SORCS1: variants seen among roughly 807,000 people sequenced by gnomAD.
SORCS1 encodes the protein sortilin related VPS10 domain containing receptor 1, also known as VPS10 domain-containing receptor SorCS1.
Under a neutral mutation model 146.1 loss-of-function variants are expected in SORCS1, and 60 were observed. That is an observed-to-expected ratio of 0.41 (90% CI 0.33 to 0.51). The LOEUF (loss-of-function observed/expected upper bound fraction) is 0.51. Ranked by LOEUF, SORCS1 falls within the 20% of genes least tolerant of loss-of-function variation. SORCS1 has a pLI of 0.21. For synonymous variants in SORCS1, 637 were observed against 584.0 expected (o/e 1.09, Z -1.31); for missense variants, 1,352 against 1,487.6 (o/e 0.91, Z 1.50).
intron 13 of SORCS1, among the ~76,000 whole-genome samples, chr10:106,676,268 C>T (rs1027749695): frequency 2.0e-5 from 3 of 152,156 alleles, no homozygotes; most frequent in African/African-American, 4.8e-5. Flanking sequence ...TTGATAACTC[C>T]TCTGGGAGTT....
intron 24 of SORCS1, among the ~76,000 whole-genome samples, chr10:106,585,983 G>A (rs1845210792): frequency 6.6e-6 from 1 of 152,180 alleles, no homozygotes; most frequent in Admixed American, 6.5e-5. Flanking sequence ...AGACAGACAA[G>A]TGAATGTAGA....
At chr10:106,581,537 T>C (rs1844914034) in intron 24 of SORCS1, among the ~76,000 whole-genome samples, 1 of 151,972 alleles carries the variant, frequency 6.6e-6, no homozygotes, top group Non-Finnish European at 1.5e-5. Flanking sequence ...GGAAGACAGG[T>C]ATGTGTATAC....
intron 2 of SORCS1, among the ~76,000 whole-genome samples, chr10:106,891,755 A>G (rs1951246580): frequency 6.6e-6 from 1 of 152,142 alleles, no homozygotes; most frequent in African/African-American, 2.4e-5. Context: ...AGCATCAAAG[A>G]AGATTTTTGT....
In SORCS1 at chr10:106,656,286, C is replaced by T. The variant is rs542436228; in HGVS notation, c.2304-3733G>A. Among the ~76,000 whole-genome samples the T allele has an allele frequency of 3.9e-5, 6 of 152,292 alleles. No individual in the cohort carries two copies. The East Asian group carries it at 9.7e-4, about 25-fold the overall frequency. On this transcript the variant is annotated intron_variant, in intron 17 of 25. Transcript: ENST00000263054. ...AGGCAATAGGCTGGGCATGATGGCT[C>T]ATGCCTGCAATCCCAGGACTTTGGG...
intron 17 of SORCS1, among the ~76,000 whole-genome samples, chr10:106,660,852 T>C (rs1435223508): frequency 6.6e-6 from 1 of 152,048 alleles, no homozygotes; most frequent in East Asian, 1.9e-4. Context: ...ATGGCCCCTA[T>C]AAAGAAACTC....
At chr10:106,872,270 A>T (rs1235451463) in intron 2 of SORCS1, among the ~76,000 whole-genome samples, 3 of 152,246 alleles carry the variant, frequency 2.0e-5, no homozygotes, top group Non-Finnish European at 1.5e-5. Context: ...GCATGTGTTG[A>T]GGAAGTATAT....
chr10:106,863,732 T>C (rs972616600), intron 2 of SORCS1, among the ~76,000 whole-genome samples: 3 of 150,986 alleles, frequency 2.0e-5, no homozygotes, highest in South Asian at 2.1e-4. Flanking sequence ...CGCTCTAATA[T>C]GCACCATCAC....
chr10:106,765,373 G>GT (rs34292579), intron 4 of SORCS1, among the ~76,000 whole-genome samples: 26,879 of 147,676 alleles, frequency 0.18, 2,990 homozygotes, highest in Non-Finnish European at 0.27. Context: ...CTCCTGAAGG[G>GT]TTTTTTTTTT....
chr10:106,921,254 A>G (rs766847874), intron 2 of SORCS1, among the ~76,000 whole-genome samples: 8 of 152,150 alleles, frequency 5.3e-5, no homozygotes, highest in Non-Finnish European at 8.8e-5. Context: ...CCCCTATGTG[A>G]TGGGGAAAGA....
chr10:106,779,810 G>A (rs1260844779), intron 3 of SORCS1, among the ~76,000 whole-genome samples: 1 of 151,994 alleles, frequency 6.6e-6, no homozygotes, highest in Non-Finnish European at 1.5e-5. Flanking sequence ...ATTTTTAACT[G>A]AGCCATAGAC....
chr10:106,878,326 A>G (rs1281213263), intron 2 of SORCS1, among the ~76,000 whole-genome samples: 1 of 151,812 alleles, frequency 6.6e-6, no homozygotes, highest in Non-Finnish European at 1.5e-5. Flanking sequence ...GGAATATGCT[A>G]TGTTCTGAAT....
At chr10:107,171,514 C>CTTTTTTT in the SORCS1 span, among the ~76,000 whole-genome samples, 7 of 117,266 alleles carry the variant, frequency 6.0e-5, 1 homozygote, top group Non-Finnish European at 1.0e-4. Flanking sequence ...GGGAATCCCC[C>CTTTTTTT]TTTTTTTTTT....
chr10:106,889,756 C>T (rs1020032631), intron 2 of SORCS1, among the ~76,000 whole-genome samples: 3 of 151,740 alleles, frequency 2.0e-5, no homozygotes, highest in Admixed American at 1.3e-4. Flanking sequence ...ATAAATTGGT[C>T]GGGCGGTAGT....
intron 5 of SORCS1, among the ~76,000 whole-genome samples, chr10:106,737,597 C>T (rs1275513461): frequency 6.6e-6 from 1 of 152,014 alleles, no homozygotes; most frequent in Non-Finnish European, 1.5e-5. Context: ...TGGTGGCACA[C>T]ATCTGTAATC....
chr10:106,706,821 C>T (rs183965783), intron 7 of SORCS1, among the ~76,000 whole-genome samples, 187 bp from the exon 8 acceptor site: 7 of 152,292 alleles, frequency 4.6e-5, no homozygotes, highest in African/African-American at 7.2e-5. Flanking sequence ...AGCTGGTCAG[C>T]GGCCCAAACT....
intron 3 of SORCS1, among the ~76,000 whole-genome samples, chr10:106,801,598 G>A (rs897731706): frequency 1.4e-5 from 2 of 145,870 alleles, no homozygotes; most frequent in Non-Finnish European, 3.0e-5. Flanking sequence ...GTGGGATCTC[G>A]GCTCACTGCA....
At chr10:106,663,289 G>C (rs866581299) in intron 17 of SORCS1, among the ~76,000 whole-genome samples, 35 of 152,210 alleles carry the variant, frequency 2.3e-4, no homozygotes, top group African/African-American at 7.9e-4. Context: ...AATGTATCTA[G>C]TAGGAAATCA....
chr10:106,778,432 G>A (rs945993402), intron 3 of SORCS1, among the ~76,000 whole-genome samples: 9 of 151,954 alleles, frequency 5.9e-5, no homozygotes, highest in Non-Finnish European at 1.3e-4. Flanking sequence ...CCAAGCAGAC[G>A]GCGTTCCCTC....
At chr10:106,941,083 G>A (rs1954019606) in intron 2 of SORCS1, among the ~76,000 whole-genome samples, 1 of 151,970 alleles carries the variant, frequency 6.6e-6, no homozygotes, top group African/African-American at 2.4e-5. Flanking sequence ...CTACAAAAAG[G>A]GTATAACGAT....
Sources: allele counts gnomAD v4.1 joint callset (sites outside exome capture counted in the v4.1 genomes callset), GRCh38; gene constraint gnomAD v4.1.1; transcripts MANE v1.5; gene names NCBI Gene and HGNC (gene_info 2026-07-23, HGNC 2026-07-21).